The following INSYN1 variants were observed in gnomAD, a reference collection of about 807,000 sequenced individuals.
INSYN1 encodes UPF0583 protein C15orf59.
INSYN1 carries 7 observed loss-of-function variants against 17.1 expected under a neutral mutation model. The observed-to-expected ratio is 0.41, with a 90% CI of 0.23 to 0.77. The LOEUF (loss-of-function observed/expected upper bound fraction) is 0.77. Ranked by LOEUF, INSYN1 falls within the 30% of genes least tolerant of loss-of-function variation. INSYN1 has a pLI of 0.32. For missense variants in INSYN1, 339 were observed against 400.6 expected, an observed-to-expected ratio of 0.85 and a Z score of 1.31; for synonymous variants, 174 against 166.3, an observed-to-expected ratio of 1.05 and a Z score of -0.36.
In INSYN1 at chr15:73,742,603, C is replaced by T. The variant is rs140617421; in HGVS notation, c.157-1961G>A. On this transcript the variant is annotated intron_variant, in intron 2 of 2. Coordinates refer to ENST00000569673, the MANE Select transcript of INSYN1 (RefSeq NM_001039614.3). ...TCTCCCCCTGCGGCCCCCTGCAAAA[C>T]TGCACACCATCATGAAGTGCTGCTG... Among the ~76,000 whole-genome samples, 13 of 152,310 alleles carry T rather than the reference C, an allele frequency of 8.5e-5. No individual in the cohort carries two copies. The East Asian group carries it at 2.5e-3, about 29-fold the overall frequency.
At position 73,737,671 on chromosome 15, in the gene INSYN1, C is replaced by T. The variant is rs1297303989; in HGVS notation, c.*2246G>A. The T allele has an allele frequency of 6.6e-6, 1 of 152,292 alleles. No homozygotes were observed. Among genetic ancestry groups the T allele is most frequent in the Admixed American group, 6.5e-5 (1 of 15,290 alleles). The allele number at this position is 152,292 out of a possible 1,614,324, so 9.4% of individuals were successfully genotyped here. On this transcript the variant is annotated 3_prime_UTR_variant, in exon 3 of 3. Transcript: ENST00000569673. ...TACATTGCAGAGCCTCCTAGGTCTG[C>T]TCAGTCTTATCCAGATCATATCCCC...
Position 73,737,028 on chromosome 15 carries a change from C to G in INSYN1, c.*2889G>C, listed in dbSNP as rs1901547450. 1 of 152,380 alleles carries G rather than the reference C, an allele frequency of 6.6e-6. No individual in the cohort carries two copies. The highest frequency in any genetic ancestry group is 1.5e-5 in the Non-Finnish European group (1 of 68,176). The allele number at this position is 152,380 out of a possible 1,614,324, so 9.4% of individuals were successfully genotyped here. A position where few individuals can be genotyped will look rare whatever the true frequency, so the allele number is the denominator to read the frequency against. On this transcript the variant is annotated 3_prime_UTR_variant, in exon 3 of 3. Transcript: ENST00000569673. ...ACTACCTATATCCCACTTCCCCCTC[C>G]TCCAGGATATACTCCCACCACTGCC...
chr15:73,744,314 C>T (rs545642886), intron 2 of INSYN1, among the ~76,000 whole-genome samples: 1 of 152,322 alleles, frequency 6.6e-6, no homozygotes, highest in Admixed American at 6.5e-5. Context: ...AGCACATGGA[C>T]AGTACCTATT....
chr15:73,748,381 T>TGC (rs2141471447), intron 2 of INSYN1, among the ~76,000 whole-genome samples: 1 of 152,294 alleles, frequency 6.6e-6, no homozygotes, highest in Admixed American at 6.5e-5. Flanking sequence ...CAAGCATATG[T>TGC]GCAGCCCCCC....
In INSYN1 at chr15:73,736,856, A is replaced by G. The variant is rs1236861184; in HGVS notation, c.*3061T>C. 6.6e-6 allele frequency: 1 copy of G among 152,254 alleles called. No homozygotes were observed. The highest frequency in any genetic ancestry group is 1.5e-5 in the Non-Finnish European group (1 of 68,172). The allele number at this position is 152,254 out of a possible 1,614,324, so 9.4% of individuals were successfully genotyped here. A position where few individuals can be genotyped will look rare whatever the true frequency, so the allele number is the denominator to read the frequency against. The stretch of plus-strand genomic sequence containing the variant: ...AGTTGCAGTGAGCTGAAATCGCACC[A>G]TTGCACTCCAGCCTGGATGATAGAG... On this transcript the variant is annotated 3_prime_UTR_variant, in exon 3 of 3. Coordinates refer to ENST00000569673, the MANE Select transcript of INSYN1 (RefSeq NM_001039614.3).
intron 2 of INSYN1, among the ~76,000 whole-genome samples, chr15:73,749,116 G>A (rs1280417638): frequency 6.6e-6 from 1 of 152,184 alleles, no homozygotes; most frequent in Non-Finnish European, 1.5e-5. Flanking sequence ...TAAACGATCT[G>A]CAAATAAATC....
rs1901970010 is a variant in INSYN1 at position 73,751,135 on chromosome 15, T to C, written c.-5A>G. ...CGGGGCGCCCCGAATGTTCATCGTT[T>C]ACCACGTGGCCGCAGGCCTGCCCAT... On this transcript the variant is annotated 5_prime_UTR_variant, in exon 2 of 3. It removes the in-frame stop codon of an upstream open reading frame in the 5' UTR. Coordinates refer to ENST00000569673, the MANE Select transcript of INSYN1 (RefSeq NM_001039614.3). 6.2e-7 allele frequency: 1 copy of C among 1,613,402 alleles called. No individual in the cohort carries two copies. The highest frequency in any genetic ancestry group is 8.5e-7 in the Non-Finnish European group (1 of 1,179,970).
At chr15:73,750,951 G>T (rs1385917026) in intron 2 of INSYN1, 24 bp downstream of exon 2, 1 of 1,613,578 alleles carries the variant, frequency 6.2e-7, no homozygotes, top group South Asian at 1.1e-5. Context: ...GGGTCTGTCT[G>T]GTCCCTCCTC....
Position 73,739,989 on chromosome 15 carries a change from T to C in INSYN1, c.810A>G (p.Thr270=), listed in dbSNP as rs1282206766. Residue 270 remains threonine, a synonymous_variant, in exon 3 of 3, where the codon ACA becomes ACG. Transcript: ENST00000569673. The part of the protein sequence containing the change: ...RRVTRNSSTQ[T]VSDKSTQTVL... ...CCGTCTGCGTGCTCTTGTCTGACAC[T>C]GTCTGGGTGCTGCTGTTCCTCGTGA... The C allele has an allele frequency of 6.5e-7, 1 of 1,538,708 alleles. No homozygotes were observed. The highest frequency in any genetic ancestry group is 8.8e-7 in the Non-Finnish European group (1 of 1,136,696).
chr15:73,751,920 G>T (rs1292252409), intron 1 of INSYN1, among the ~76,000 whole-genome samples, 190 bp downstream of exon 1: 2 of 151,958 alleles, frequency 1.3e-5, no homozygotes, highest in Admixed American at 1.3e-4. Context: ...GCCTGCTACG[G>T]GGCACCCTGG....
At chr15:73,745,498 T>C (rs1290064467) in intron 2 of INSYN1, among the ~76,000 whole-genome samples, 2 of 152,216 alleles carry the variant, frequency 1.3e-5, no homozygotes, top group Non-Finnish European at 2.9e-5. Flanking sequence ...TTACACAATA[T>C]TTAACACTGC....
intron 2 of INSYN1, among the ~76,000 whole-genome samples, chr15:73,748,391 C>T (rs376481428): frequency 2.0e-5 from 3 of 152,276 alleles, no homozygotes; most frequent in South Asian, 2.1e-4. Context: ...TGCAGCCCCC[C>T]ACCCCCAACA....
intron 2 of INSYN1, among the ~76,000 whole-genome samples, chr15:73,749,391 G>T (rs1371805499): frequency 6.6e-6 from 1 of 152,166 alleles, no homozygotes; most frequent in Admixed American, 6.5e-5. Context: ...GGGTGGCTAT[G>T]CGGTGGGGAG....
intron 2 of INSYN1, among the ~76,000 whole-genome samples, chr15:73,750,370 AC>A (rs1901946811): frequency 6.6e-6 from 1 of 151,920 alleles, no homozygotes; most frequent in Admixed American, 6.6e-5. Context: ...CTTAGGGAAG[AC>A]TCCTGCCCCT....
At chr15:73,742,219 C>T (rs1901708856) in intron 2 of INSYN1, among the ~76,000 whole-genome samples, 1 of 152,178 alleles carries the variant, frequency 6.6e-6, no homozygotes, top group Non-Finnish European at 1.5e-5. Context: ...TCCAGAAGAG[C>T]TGGAGGAATC....
At chr15:73,746,987 C>T (rs187719468) in intron 2 of INSYN1, among the ~76,000 whole-genome samples, 54 of 152,136 alleles carry the variant, frequency 3.5e-4, no homozygotes, top group Non-Finnish European at 3.5e-4. Flanking sequence ...TCACTGAGAA[C>T]GAATCCAAAT....
chr15:73,745,337 C>T (rs1034997860), intron 2 of INSYN1, among the ~76,000 whole-genome samples: 10 of 152,102 alleles, frequency 6.6e-5, no homozygotes, highest in African/African-American at 2.4e-4. Context: ...CCATCGAGCT[C>T]ACTTCTGCCT....
rs1159515284 is a variant in INSYN1 at position 73,738,958 on chromosome 15, C to A, written c.*959G>T. 3 of 152,310 alleles carry A rather than the reference C, an allele frequency of 2.0e-5. No individual in the cohort carries two copies. Among genetic ancestry groups the A allele is most frequent in the Non-Finnish European group, 4.4e-5 (3 of 68,092 alleles). 9.4% of individuals were successfully genotyped at this position (152,310 alleles called of 1,614,324 possible). ...TAACCTCATCTTTGTTCAGGACCTG[C>A]TGAGATGGGCTCAGGGGCTGGGTGT... On this transcript the variant is annotated 3_prime_UTR_variant, in exon 3 of 3. Transcript: ENST00000569673.
rs1012957334 is a variant in INSYN1, at chr15:73,739,346, G to A, written c.*571C>T. On this transcript the variant is annotated 3_prime_UTR_variant, in exon 3 of 3. Transcript: ENST00000569673. ...AGCTTGCCATTCCCCTATGTCCCAG[G>A]CAACCCTAAGATGGAAGGGGGTGAG... 1 of 152,338 alleles carries A rather than the reference G, an allele frequency of 6.6e-6. No individual in the cohort carries two copies. The highest frequency in any genetic ancestry group is 1.5e-5 in the Non-Finnish European group (1 of 68,120). 9.4% of individuals were successfully genotyped at this position (152,338 alleles called of 1,614,324 possible).
Sources: gnomAD v4.1 joint callset for allele counts (sites outside exome capture counted in the v4.1 genomes callset) on GRCh38, gnomAD v4.1.1 for gene constraint, MANE v1.5 for transcripts, NCBI Gene and HGNC (gene_info 2026-07-23, HGNC 2026-07-21) for gene names.